UVRAG: variants seen among roughly 807,000 people sequenced by gnomAD.
The protein encoded by UVRAG is UV radiation resistance associated.
Under a neutral mutation model 78.0 loss-of-function variants are expected in UVRAG, and 19 were observed. The observed-to-expected ratio is 0.24, with a 90% CI of 0.17 to 0.36. UVRAG has a LOEUF of 0.36. UVRAG is among the 10% of genes least tolerant of loss of function. The pLI is 1.00. For synonymous variants in UVRAG, 323 were observed against 324.6 expected, an observed-to-expected ratio of 1.00 and a Z score of 0.05; for missense variants, 740 against 853.8, an observed-to-expected ratio of 0.87 and a Z score of 1.66.
At chr11:76,028,038 G>A (rs983961588) in intron 12 of UVRAG, among the ~76,000 whole-genome samples, 8 of 152,248 alleles carry the variant, frequency 5.3e-5, no homozygotes, top group Admixed American at 2.0e-4. Context: ...CATCAAGCAA[G>A]TCTGTCAGTG....
chr11:75,828,855 G>C (rs1173483550), intron 1 of UVRAG, among the ~76,000 whole-genome samples: 1 of 142,224 alleles, frequency 7.0e-6, no homozygotes, highest in South Asian at 2.2e-4. Context: ...CTACAGGTGC[G>C]CATGGTGCGC....
chr11:76,128,490 A>G (rs1952454020), intron 14 of UVRAG, among the ~76,000 whole-genome samples: 1 of 152,224 alleles, frequency 6.6e-6, no homozygotes, highest in African/African-American at 2.4e-5. Flanking sequence ...CACTGTCCTA[A>G]GTTTCAAGAA....
At chr11:75,815,915 AG>A (rs1945255215) in intron 1 of UVRAG, among the ~76,000 whole-genome samples, 1 of 152,184 alleles carries the variant, frequency 6.6e-6, no homozygotes. Context: ...CCATAGTGAA[AG>A]CACTTTTCCT....
At chr11:76,044,143 G>A (rs1207642339) in intron 12 of UVRAG, among the ~76,000 whole-genome samples, 1 of 152,140 alleles carries the variant, frequency 6.6e-6, no homozygotes, top group African/African-American at 2.4e-5. Flanking sequence ...TCATTATGTA[G>A]CCAACAGGAA....
chr11:76,104,386 A>C (rs1342783604), intron 13 of UVRAG, among the ~76,000 whole-genome samples: 1 of 152,184 alleles, frequency 6.6e-6, no homozygotes, highest in Non-Finnish European at 1.5e-5. Context: ...AGGCACATTC[A>C]AACTGTATCA....
chr11:75,847,122 G>A (rs1443221576), intron 1 of UVRAG, among the ~76,000 whole-genome samples: 1 of 151,820 alleles, frequency 6.6e-6, no homozygotes, highest in African/African-American at 2.4e-5. Flanking sequence ...ACCGTGCCTG[G>A]CCTGTTCTTT....
intron 11 of UVRAG, among the ~76,000 whole-genome samples, chr11:76,014,363 C>G (rs1278331198): frequency 2.6e-5 from 4 of 152,250 alleles, no homozygotes; most frequent in Non-Finnish European, 5.9e-5. Context: ...TTTTCAAATC[C>G]TCTTCTGTCA....
chr11:75,944,273 GA>G (rs1313243952), intron 6 of UVRAG, among the ~76,000 whole-genome samples: 2 of 152,052 alleles, frequency 1.3e-5, no homozygotes, highest in Non-Finnish European at 2.9e-5. Flanking sequence ...CCTTTCCCAA[GA>G]ACAAGTTATC....
chr11:76,034,388 G>C (rs1482159728), intron 12 of UVRAG, among the ~76,000 whole-genome samples: 2 of 152,050 alleles, frequency 1.3e-5, no homozygotes, highest in Non-Finnish European at 2.9e-5. Flanking sequence ...TTGTAGAGAT[G>C]AGTTCTCCCT....
At chr11:75,944,555 A>G (rs931997684) in intron 6 of UVRAG, among the ~76,000 whole-genome samples, 5 of 152,198 alleles carry the variant, frequency 3.3e-5, no homozygotes, top group African/African-American at 1.2e-4. Context: ...ATGTTTATTC[A>G]GTACTGCATG....
chr11:76,089,848 T>C (rs1385130109), intron 13 of UVRAG, among the ~76,000 whole-genome samples: 1 of 152,056 alleles, frequency 6.6e-6, no homozygotes, highest in African/African-American at 2.4e-5. Flanking sequence ...CCCTTTCTGT[T>C]CCCCCATTCT....
At chr11:76,111,844 C>G (rs979672459) in intron 13 of UVRAG, among the ~76,000 whole-genome samples, 1 of 150,502 alleles carries the variant, frequency 6.6e-6, no homozygotes, top group African/African-American at 2.5e-5. Context: ...GTCTCACAGT[C>G]TCACCTGTAA....
At chr11:75,845,119 TC>T (rs1448228978) in intron 1 of UVRAG, among the ~76,000 whole-genome samples, 1 of 152,220 alleles carries the variant, frequency 6.6e-6, no homozygotes, top group Non-Finnish European at 1.5e-5. Context: ...AATCTGTCTG[TC>T]TCCCAGATGA....
At chr11:76,058,107 C>T (rs1040685943) in intron 12 of UVRAG, among the ~76,000 whole-genome samples, 2 of 152,064 alleles carry the variant, frequency 1.3e-5, no homozygotes, top group African/African-American at 4.8e-5. Flanking sequence ...ACAGGAGGAG[C>T]CCAGTAGGTA....
At chr11:76,006,339 A>G (rs1231724987) in intron 9 of UVRAG, among the ~76,000 whole-genome samples, 2 of 152,052 alleles carry the variant, frequency 1.3e-5, no homozygotes, top group Non-Finnish European at 2.9e-5. Context: ...TATTTTATGT[A>G]TTGATCATGT....
At chr11:76,070,091 A>G (rs1350135879) in intron 13 of UVRAG, among the ~76,000 whole-genome samples, 1 of 152,162 alleles carries the variant, frequency 6.6e-6, no homozygotes, top group African/African-American at 2.4e-5. Flanking sequence ...AACACAACGC[A>G]CACACACACA....
intron 14 of UVRAG, among the ~76,000 whole-genome samples, chr11:76,134,572 A>T (rs1952569062): frequency 6.6e-6 from 1 of 152,114 alleles, no homozygotes; most frequent in African/African-American, 2.4e-5. Flanking sequence ...GGAGATTTAG[A>T]TTCCAGTCCT....
intron 8 of UVRAG, among the ~76,000 whole-genome samples, chr11:75,997,672 T>C (rs1023865419): frequency 8.5e-5 from 13 of 152,180 alleles, no homozygotes; most frequent in Non-Finnish European, 1.8e-4. Context: ...TTCTCCAAGA[T>C]ACAAAGTAGA....
At chr11:75,848,438 A>C (rs1333211927) in intron 1 of UVRAG, among the ~76,000 whole-genome samples, 1 of 152,180 alleles carries the variant, frequency 6.6e-6, no homozygotes, top group East Asian at 1.9e-4. Flanking sequence ...TGTTCTGTTT[A>C]TTCGCATTAA....
Sources: allele counts gnomAD v4.1 joint callset (sites outside exome capture counted in the v4.1 genomes callset), GRCh38; gene constraint gnomAD v4.1.1; transcripts MANE v1.5; gene names NCBI Gene and HGNC (gene_info 2026-07-23, HGNC 2026-07-21).